ANO10: variants seen among roughly 807,000 people sequenced by gnomAD.
The protein encoded by ANO10 is anoctamin-10.
A neutral mutation model predicts 74.7 loss-of-function variants in ANO10; 77 were observed. That is an observed-to-expected ratio of 1.03 (90% CI 0.86 to 1.25). The LOEUF is 1.25. Ranked by LOEUF, ANO10 falls within the 50% of genes most tolerant of loss-of-function variation. The pLI is 0.00. For missense variants in ANO10, 721 were observed against 778.1 expected, an observed-to-expected ratio of 0.93 and a Z score of 0.87; for synonymous variants, 279 against 284.9, an observed-to-expected ratio of 0.98 and a Z score of 0.21.
At chr3:43,539,775 G>A (rs1482829233) in intron 11 of ANO10, among the ~76,000 whole-genome samples, 1 of 152,214 alleles carries the variant, frequency 6.6e-6, no homozygotes, top group East Asian at 1.9e-4. Context: ...TATGGCTTAA[G>A]AGTACAGAGA....
At chr3:43,654,044 G>A (rs570091727) in intron 1 of ANO10, among the ~76,000 whole-genome samples, 1 of 151,790 alleles carries the variant, frequency 6.6e-6, no homozygotes, top group African/African-American at 2.4e-5. Context: ...ACTGACACCA[G>A]GGAAGGGCAG....
chr3:43,665,124 C>A (rs565281002), intron 1 of ANO10, among the ~76,000 whole-genome samples: 1 of 152,126 alleles, frequency 6.6e-6, no homozygotes, highest in Non-Finnish European at 1.5e-5. Flanking sequence ...TGGAACCAAC[C>A]CAAATGTCTA....
intron 11 of ANO10, among the ~76,000 whole-genome samples, chr3:43,533,711 C>T (rs146580984): frequency 6.9e-4 from 105 of 152,266 alleles, no homozygotes; most frequent in Non-Finnish European, 1.4e-3. Flanking sequence ...ATAAGCACAC[C>T]AATCATTGTA....
intron 4 of ANO10, among the ~76,000 whole-genome samples, chr3:43,584,920 A>C (rs2081411499): frequency 6.6e-6 from 1 of 152,168 alleles, no homozygotes; most frequent in Non-Finnish European, 1.5e-5. Flanking sequence ...CATTGGGCAG[A>C]CTAAAGCCTC....
At chr3:43,535,898 T>C (rs995937235) in intron 11 of ANO10, among the ~76,000 whole-genome samples, 4 of 152,218 alleles carry the variant, frequency 2.6e-5, no homozygotes, top group Admixed American at 2.0e-4. Flanking sequence ...TGAAGAGGAA[T>C]GAATAAGCAG....
chr3:43,544,590 C>T (rs543275383), intron 11 of ANO10, among the ~76,000 whole-genome samples: 12 of 152,016 alleles, frequency 7.9e-5, no homozygotes, highest in African/African-American at 2.2e-4. Context: ...GTCAGGAGTT[C>T]GAGATCAGCC....
At chr3:43,612,641 A>G (rs1171013546) in intron 1 of ANO10, among the ~76,000 whole-genome samples, 2 of 152,230 alleles carry the variant, frequency 1.3e-5, no homozygotes, top group Non-Finnish European at 2.9e-5. Context: ...ACTTCATACA[A>G]GCTTTAATGA....
chr3:43,595,381 T>C (rs1241193728), intron 4 of ANO10, among the ~76,000 whole-genome samples: 2 of 152,146 alleles, frequency 1.3e-5, no homozygotes, highest in African/African-American at 4.8e-5. Context: ...AATGGCAAAG[T>C]GAATCCAGCA....
chr3:43,401,262 ACTTT>A (rs2092476404), intron 12 of ANO10, among the ~76,000 whole-genome samples: 1 of 152,184 alleles, frequency 6.6e-6, no homozygotes, highest in African/African-American at 2.4e-5. Flanking sequence ...GCAAACCCAC[ACTTT>A]CTGTCATGTG....
chr3:43,690,848 G>T, intron 1 of ANO10: 1 of 810,240 alleles, frequency 1.2e-6, no homozygotes, highest in Non-Finnish European at 1.7e-6. Context: ...GCGCAAACGC[G>T]GGCGCGCCGC....
chr3:43,552,160 T>C (rs1265930773), intron 10 of ANO10, among the ~76,000 whole-genome samples: 4 of 152,224 alleles, frequency 2.6e-5, no homozygotes, highest in Non-Finnish European at 2.9e-5. Context: ...TTGTGTCATC[T>C]TTTATCAGTT....
At chr3:43,596,759 A>C (rs2149470150) in intron 4 of ANO10, among the ~76,000 whole-genome samples, 1 of 152,378 alleles carries the variant, frequency 6.6e-6, no homozygotes, top group East Asian at 1.9e-4. Context: ...CAAAATTGAC[A>C]AATGGGATCT....
intron 12 of ANO10, among the ~76,000 whole-genome samples, chr3:43,382,402 C>T (rs1035110545): frequency 6.6e-5 from 10 of 151,648 alleles, no homozygotes; most frequent in Non-Finnish European, 1.5e-5. Context: ...GCCTGTAGTC[C>T]CAGCTACTCG....
At chr3:43,565,807 A>C in intron 7 of ANO10, 80 bp from the exon 8 acceptor site, 2 of 1,461,720 alleles carry the variant, frequency 1.4e-6, no homozygotes, top group Non-Finnish European at 1.9e-6. Context: ...GCAGCATTTA[A>C]AAATGTAATG....
At chr3:43,648,910 C>T (rs2083756416) in intron 1 of ANO10, among the ~76,000 whole-genome samples, 1 of 152,122 alleles carries the variant, frequency 6.6e-6, no homozygotes, top group African/African-American at 2.4e-5. Context: ...ATCTCCTGAC[C>T]TCGTGATCCG....
intron 11 of ANO10, among the ~76,000 whole-genome samples, chr3:43,522,651 C>T (rs2078009787): frequency 6.6e-6 from 1 of 152,114 alleles, no homozygotes; most frequent in Non-Finnish European, 1.5e-5. Context: ...CCACAAATAC[C>T]AATTCTGGTG....
At chr3:43,420,624 G>C (rs547248093) in intron 12 of ANO10, among the ~76,000 whole-genome samples, 1 of 152,050 alleles carries the variant, frequency 6.6e-6, no homozygotes, top group South Asian at 2.1e-4. Context: ...TTTAAGTGTG[G>C]TTTCCTACAC....
chr3:43,401,859 G>A (rs1254629874), intron 12 of ANO10, among the ~76,000 whole-genome samples: 2 of 152,170 alleles, frequency 1.3e-5, no homozygotes, highest in Non-Finnish European at 2.9e-5. Flanking sequence ...TTTACTCTGT[G>A]GTCAATTATA....
At chr3:43,569,403 A>C (rs1476652330) in intron 7 of ANO10, among the ~76,000 whole-genome samples, 2 of 140,946 alleles carry the variant, frequency 1.4e-5, no homozygotes, top group Non-Finnish European at 3.0e-5. Context: ...TTTTAGACCA[A>C]TATCCTTGAT....
Sources: allele counts gnomAD v4.1 joint callset (sites outside exome capture counted in the v4.1 genomes callset), GRCh38; gene constraint gnomAD v4.1.1; transcripts MANE v1.5; gene names NCBI Gene and HGNC (gene_info 2026-07-23, HGNC 2026-07-21).